Variants in PACS1 observed in about 807,000 individuals in gnomAD.
PACS1 encodes PACS-1.
PACS1 carries 24 observed loss-of-function variants against 115.0 expected under a neutral mutation model. The ratio of observed to expected loss-of-function variants is 0.21; its 90% confidence interval spans 0.15 to 0.29. The LOEUF is 0.29. Among genes scored for constraint, PACS1 ranks in the 10% least tolerant of loss-of-function variants. The probability of loss-of-function intolerance (pLI) is 1.00; values close to 1 mark genes in which losing one functional copy is unlikely to be tolerated. For missense variants in PACS1, 838 were observed against 1,251.2 expected, an observed-to-expected ratio of 0.67 and a Z score of 4.98; for synonymous variants, 453 against 504.5, an observed-to-expected ratio of 0.90 and a Z score of 1.37.
chr11:66,171,029 C>A (rs575658282), intron 1 of PACS1, among the ~76,000 whole-genome samples: 2 of 150,030 alleles, frequency 1.3e-5, no homozygotes, highest in Non-Finnish European at 2.9e-5. Flanking sequence ...TGTGGGGTTC[C>A]GGATTTCATG....
intron 8 of PACS1, 144 bp from the exon 9 acceptor site, chr11:66,220,487 C>A: frequency 1.4e-6 from 1 of 740,390 alleles, no homozygotes; most frequent in Non-Finnish European, 2.2e-6. Context: ...ATGGAAATGA[C>A]GTGAAGGTTA....
chr11:66,237,541 C>T (rs1409395317), intron 19 of PACS1, among the ~76,000 whole-genome samples: 3 of 152,198 alleles, frequency 2.0e-5, no homozygotes, highest in Non-Finnish European at 4.4e-5. Context: ...AGCCCTTTCT[C>T]GTGCCTTGCA....
At chr11:66,190,940 C>G (rs10896093) in intron 1 of PACS1, among the ~76,000 whole-genome samples, 31,832 of 152,050 alleles carry the variant, frequency 0.21, 3,415 homozygotes, top group Middle Eastern at 0.28. Context: ...TGGGGAAGGG[C>G]CAGGCCCTGG....
At chr11:66,179,016 G>GA (rs1159873070) in intron 1 of PACS1, among the ~76,000 whole-genome samples, 4 of 152,164 alleles carry the variant, frequency 2.6e-5, no homozygotes, top group African/African-American at 9.7e-5. Context: ...CCTCCAAAGT[G>GA]AATGAATGTA....
chr11:66,085,243 CT>C (rs1445005308), intron 1 of PACS1, among the ~76,000 whole-genome samples: 6 of 152,134 alleles, frequency 3.9e-5, no homozygotes, highest in African/African-American at 1.4e-4. Flanking sequence ...ATCAGACAGC[CT>C]GTCTGCACTT....
intron 1 of PACS1, among the ~76,000 whole-genome samples, chr11:66,079,476 C>T (rs1256146142): frequency 1.3e-5 from 2 of 152,016 alleles, no homozygotes; most frequent in Non-Finnish European, 2.9e-5. Flanking sequence ...GTTTAGGGAG[C>T]AGCTTTTCCC....
chr11:66,079,521 C>T (rs371692273), intron 1 of PACS1, among the ~76,000 whole-genome samples: 4 of 152,074 alleles, frequency 2.6e-5, no homozygotes, highest in Admixed American at 1.3e-4. Context: ...CTCTCAAACA[C>T]ATTGCATTGT....
At position 66,220,731 on chromosome 11, in the gene PACS1, A is replaced by G; in HGVS notation, c.1139A>G (p.Asp380Gly). The change falls in exon 9 of 24, where the codon GAC becomes GGC. Residue 380 changes from aspartate to glycine, a missense_variant. Physicochemically the swap from Asp to Gly is moderately conservative, Grantham distance 94 (BLOSUM62 -1). Around this residue, in one of 6 missense-constraint regions of PACS1, gnomAD observed 223 missense variants for 354.0 expected, o/e 0.63. Transcript: ENST00000320580. Reference protein sequence around the residue: ...YDSLEMYNPSDSGPEMEETES... With the variant: ...YDSLEMYNPSGSGPEMEETES... ...AGTCTGGAGATGTACAACCCCAGCGACAGTGGCCCTGAGATGGAGGAGACA... is the reference window on the plus strand; with the variant it reads ...AGTCTGGAGATGTACAACCCCAGCGGCAGTGGCCCTGAGATGGAGGAGACA... The G allele has an allele frequency of 6.2e-7, 1 of 1,614,136 alleles. No homozygotes were observed. Among genetic ancestry groups the G allele is most frequent in the East Asian group, 2.2e-5 (1 of 44,878 alleles).
intron 2 of PACS1, among the ~76,000 whole-genome samples, chr11:66,202,819 A>G (rs1293033801): frequency 1.4e-5 from 2 of 146,706 alleles, no homozygotes; most frequent in Admixed American, 6.8e-5. Flanking sequence ...ACAAGGCTTC[A>G]TGATAAAAAT....
chr11:66,120,321 T>A (rs1858410347), intron 1 of PACS1, among the ~76,000 whole-genome samples: 1 of 152,106 alleles, frequency 6.6e-6, no homozygotes. Context: ...GTTCTTGAAC[T>A]CCTGACCTCA....
chr11:66,071,009 G>A (rs1857299748), intron 1 of PACS1, among the ~76,000 whole-genome samples, 167 bp downstream of exon 1: 2 of 149,412 alleles, frequency 1.3e-5, no homozygotes, highest in South Asian at 4.7e-4. Flanking sequence ...ACGGGGACCC[G>A]CCCTCTCCTG....
intron 1 of PACS1, among the ~76,000 whole-genome samples, chr11:66,142,280 A>G (rs967573236): frequency 1.3e-5 from 2 of 152,056 alleles, no homozygotes; most frequent in Non-Finnish European, 2.9e-5. Flanking sequence ...CCCAGGTAAA[A>G]TGTGTTCATC....
chr11:66,195,660 A>G (rs747824385), intron 2 of PACS1, among the ~76,000 whole-genome samples: 46 of 152,262 alleles, frequency 3.0e-4, no homozygotes, highest in Middle Eastern at 3.4e-3. Context: ...TCTACTTCCA[A>G]GCAGCTGAAA....
intron 1 of PACS1, among the ~76,000 whole-genome samples, chr11:66,112,122 T>C (rs1027632407): frequency 6.6e-6 from 1 of 152,210 alleles, no homozygotes; most frequent in Non-Finnish European, 1.5e-5. Context: ...AGTTCTTCTC[T>C]ACACTGCCGG....
rs931736981 is a variant in PACS1, at chr11:66,236,626, G to C, written c.2250+686G>C. Among the ~76,000 whole-genome samples the C allele has an allele frequency of 3.0e-4, 46 of 152,232 alleles. No homozygotes were observed. The highest frequency in any genetic ancestry group is 1.1e-3 in the African/African-American group (46 of 41,472). ...AGCAGCTGGGCCACAGGCTCAGCCTGACCTAGGGAGGGGTCCGGGGGAGCT... is the reference window on the plus strand; with the variant it reads ...AGCAGCTGGGCCACAGGCTCAGCCTCACCTAGGGAGGGGTCCGGGGGAGCT... On this transcript the variant is annotated intron_variant, in intron 19 of 23. Coordinates refer to ENST00000320580, the MANE Select transcript of PACS1 (RefSeq NM_018026.4). The surrounding 1 kb of genome is among the most constrained non-coding windows in gnomAD (Gnocchi z 4.2).
chr11:66,122,200 C>CA (rs552315174), intron 1 of PACS1, among the ~76,000 whole-genome samples: 318 of 152,230 alleles, frequency 2.1e-3, no homozygotes, highest in Admixed American at 3.7e-3. Context: ...ATAAATGGAA[C>CA]AAAAAAGCCT....
intron 1 of PACS1, among the ~76,000 whole-genome samples, chr11:66,108,539 A>T (rs1407367945): frequency 6.6e-6 from 1 of 152,108 alleles, no homozygotes; most frequent in African/African-American, 2.4e-5. Flanking sequence ...CCTGGGCATC[A>T]TAGCAAGACC....
In PACS1 at chr11:66,235,308, G is replaced by T. The variant is rs1855683673; in HGVS notation, c.2112G>T (p.Leu704=). ...CTCTTGGCTTTTCTGCAGAGCAACT[G>T]GACGTGGCAGGGCGGGTGATGCAGT... ...SRSEPPVSEQ[L]DVAGRVMQYV... The change falls in exon 18 of 24, where the codon CTG becomes CTT. Residue 704 remains leucine (L), a synonymous_variant. Transcript: ENST00000320580. The surrounding 1 kb of genome is among the most constrained non-coding windows in gnomAD (Gnocchi z 5.6). 1.2e-6 allele frequency: 2 copies of T among 1,613,578 alleles called. No homozygotes were observed.
rs1318316650 is a variant in PACS1 at position 66,203,527 on chromosome 11, GAAGACCCAGA to G, written c.445-6833_445-6824del. ...ATCCTAAAATGTATATGGAACCACA[GAAGACCCAGA>G]ATAGCCAAAGCCATCCTGAGCACAA... On this transcript the variant is annotated intron_variant, in intron 2 of 23. Coordinates refer to ENST00000320580, the MANE Select transcript of PACS1 (RefSeq NM_018026.4). Among the ~76,000 whole-genome samples, 22 of 152,052 alleles carry G rather than the reference GAAGACCCAGA, an allele frequency of 1.4e-4. No individual in the cohort carries two copies. The South Asian group carries it at 2.3e-3, about 16-fold the overall frequency.
Sources: gnomAD v4.1 joint callset for allele counts (sites outside exome capture counted in the v4.1 genomes callset) on GRCh38, gnomAD v4.1.1 for gene constraint, gnomAD v4.1.1 regional missense constraint, Gnocchi (gnomAD v3.1) non-coding constraint, MANE v1.5 for transcripts, NCBI Gene and HGNC (gene_info 2026-07-23, HGNC 2026-07-21) for gene names.